STPG2: variants seen among roughly 807,000 people sequenced by gnomAD.
The protein encoded by STPG2 is sperm tail PG-rich repeat containing 2.
In STPG2, 56 loss-of-function variants were observed where a neutral mutation model predicts 54.2. The observed-to-expected ratio is 1.03, with a 90% CI of 0.83 to 1.29. The LOEUF is 1.29. Ranked by LOEUF, STPG2 falls within the 50% of genes most tolerant of loss-of-function variation. The probability of loss-of-function intolerance (pLI) is 0.00; values close to 1 mark genes in which losing one functional copy is unlikely to be tolerated. For synonymous variants in STPG2, 200 were observed against 181.8 expected, an observed-to-expected ratio of 1.10 and a Z score of -0.81; for missense variants, 596 against 544.9, an observed-to-expected ratio of 1.09 and a Z score of -0.93.
chr4:97,599,536 C>CAT (rs1560679340), intron 10 of STPG2, among the ~76,000 whole-genome samples: 1 of 151,960 alleles, frequency 6.6e-6, no homozygotes, highest in African/African-American at 2.4e-5. Context: ...AAATGTGGTA[C>CAT]ATATAGGCCG....
chr4:97,464,392 G>A lies in STPG2; in HGVS notation c.462+248307C>T, dbSNP rs116141817. On this transcript the variant is annotated intron_variant, in intron 4 of 4. Transcript: ENST00000522676. ...TAGTAGTGGTGCCACTGTTCATTCT[G>A]GAATTAATTCTATTCCAGTCAGTGT... Among the ~76,000 whole-genome samples the A allele has an allele frequency of 4.8e-3, 730 of 152,134 alleles. 3 individuals are homozygous for A. The highest frequency in any genetic ancestry group is 0.017 in the African/African-American group (690 of 41,486).
At chr4:97,497,435 C>CT (rs1553933340) in intron 4 of STPG2, among the ~76,000 whole-genome samples, 1 of 151,790 alleles carries the variant, frequency 6.6e-6, no homozygotes, top group Non-Finnish European at 1.5e-5. Flanking sequence ...CAATACTTTT[C>CT]TCCCCATTGT....
intron 9 of STPG2, among the ~76,000 whole-genome samples, chr4:97,764,198 T>TA (rs1317423741): frequency 6.6e-6 from 1 of 151,384 alleles, no homozygotes; most frequent in Non-Finnish European, 1.5e-5. Context: ...AGAGTGAACT[T>TA]ACTTTTAGAG....
At position 97,944,123 on chromosome 4, in the gene STPG2, C is replaced by T. The variant is rs1578717043; in HGVS notation, c.934-116G>A. On this transcript the variant is annotated intron_variant, in intron 7 of 10. Coordinates refer to ENST00000295268, the MANE Select transcript of STPG2 (RefSeq NM_174952.3). ...AGTATTATCTGGCATTAAATAAAGA[C>T]ACATATTCATAAACAAATAAAATTT... 11 of 658,276 alleles carry T rather than the reference C, an allele frequency of 1.7e-5. 1 individual carries two copies. In the Middle Eastern group the frequency reaches 1.3e-3, roughly 76 times the overall value. The allele number at this position is 658,276 out of a possible 1,614,324, so 40.8% of individuals were successfully genotyped here. A position where few individuals can be genotyped will look rare whatever the true frequency, so the allele number is the denominator to read the frequency against.
chr4:97,793,644 A>G (rs541631843), intron 9 of STPG2, among the ~76,000 whole-genome samples: 1 of 152,046 alleles, frequency 6.6e-6, no homozygotes, highest in African/African-American at 2.4e-5. Flanking sequence ...CAATAAATGA[A>G]GAAAATAATA....
intron 3 of STPG2, among the ~76,000 whole-genome samples, chr4:98,124,952 C>T (rs772802152): frequency 6.6e-6 from 1 of 152,172 alleles, no homozygotes; most frequent in Non-Finnish European, 1.5e-5. Context: ...ATTCTTTTCT[C>T]CACTTGGTTT....
At chr4:98,096,552 T>C (rs1305602060) in intron 5 of STPG2, among the ~76,000 whole-genome samples, 1 of 152,012 alleles carries the variant, frequency 6.6e-6, no homozygotes, top group African/African-American at 2.4e-5. Flanking sequence ...TAATGATGCA[T>C]CTTCAAGAAC....
chr4:97,912,892 A>G (rs1184553508), intron 8 of STPG2, among the ~76,000 whole-genome samples: 1 of 152,230 alleles, frequency 6.6e-6, no homozygotes, highest in African/African-American at 2.4e-5. Flanking sequence ...TTGACCTACC[A>G]TAAAATGGAG....
At chr4:97,995,408 C>T (rs1443089189) in intron 5 of STPG2, among the ~76,000 whole-genome samples, 1 of 152,074 alleles carries the variant, frequency 6.6e-6, no homozygotes, top group Non-Finnish European at 1.5e-5. Context: ...ATGTGGGTCT[C>T]TCCACACGGC....
At chr4:97,733,544 G>A (rs13125930) in intron 9 of STPG2, among the ~76,000 whole-genome samples, 58,945 of 151,378 alleles carry the variant, frequency 0.39, 11,599 homozygotes, top group Middle Eastern at 0.45. Flanking sequence ...TAATTCATTC[G>A]TGTAACAAAA....
intron 9 of STPG2, among the ~76,000 whole-genome samples, chr4:97,734,113 C>T (rs1235267637): frequency 6.6e-6 from 1 of 152,164 alleles, no homozygotes; most frequent in Admixed American, 6.5e-5. Flanking sequence ...TTCAGCATTT[C>T]ACCATTGAGT....
rs377686749 is a variant in STPG2 at position 97,795,544 on chromosome 4, C to G, written c.1204+45229G>C. ...CATGAACTCATCTTTTTTATGGCAGCATAGTATTCCATGGTGTATCTGTGC... is the reference window on the plus strand; with the variant it reads ...CATGAACTCATCTTTTTTATGGCAGGATAGTATTCCATGGTGTATCTGTGC... On this transcript the variant is annotated intron_variant, in intron 9 of 10. Coordinates refer to ENST00000295268, the MANE Select transcript of STPG2 (RefSeq NM_174952.3). 3.3e-3 allele frequency among the ~76,000 whole-genome samples: 497 copies of G among 152,312 alleles called. 10 individuals carry two copies. In the East Asian group the frequency reaches 0.065, roughly 20 times the overall value.
At chr4:97,693,302 G>A (rs748639144) in intron 10 of STPG2, among the ~76,000 whole-genome samples, 8 of 151,526 alleles carry the variant, frequency 5.3e-5, no homozygotes, top group Non-Finnish European at 1.2e-4. Flanking sequence ...CTGCTTGTGA[G>A]TATAAGGACT....
At chr4:97,792,950 G>A (rs940877768) in intron 9 of STPG2, among the ~76,000 whole-genome samples, 2 of 152,002 alleles carry the variant, frequency 1.3e-5, no homozygotes, top group Non-Finnish European at 2.9e-5. Flanking sequence ...TCAGGAGTTC[G>A]AGACCAGCCT....
chr4:97,844,064 C>G (rs1728876455), intron 8 of STPG2, among the ~76,000 whole-genome samples: 1 of 151,614 alleles, frequency 6.6e-6, no homozygotes, highest in African/African-American at 2.4e-5. Flanking sequence ...CAGAATTTTT[C>G]CAGAATCAAG....
intron 4 of STPG2, among the ~76,000 whole-genome samples, chr4:97,470,388 G>A (rs553713865): frequency 6.6e-6 from 1 of 152,128 alleles, no homozygotes; most frequent in African/African-American, 2.4e-5. Flanking sequence ...TTGCAAGGAA[G>A]AATTTGGCAC....
intron 5 of STPG2, among the ~76,000 whole-genome samples, chr4:97,994,319 G>T (rs772278046): frequency 3.9e-5 from 6 of 152,076 alleles, no homozygotes; most frequent in Non-Finnish European, 8.8e-5. Context: ...ATTCCACTGT[G>T]GTCTGAGAGA....
chr4:97,468,748 T>C (rs919382643), intron 4 of STPG2, among the ~76,000 whole-genome samples: 3 of 152,104 alleles, frequency 2.0e-5, no homozygotes, highest in Non-Finnish European at 4.4e-5. Flanking sequence ...TGAATACTAT[T>C]TCCTTCTCCT....
chr4:97,781,513 C>A (rs551765268), intron 9 of STPG2, among the ~76,000 whole-genome samples: 1 of 152,244 alleles, frequency 6.6e-6, no homozygotes, highest in South Asian at 2.1e-4. Flanking sequence ...CAAGAAGGAG[C>A]TCATAACCAA....
Sources: allele counts gnomAD v4.1 joint callset (sites outside exome capture counted in the v4.1 genomes callset), GRCh38; gene constraint gnomAD v4.1.1; transcripts MANE v1.5; gene names NCBI Gene and HGNC (gene_info 2026-07-23, HGNC 2026-07-21).